SDK1: variants seen among roughly 807,000 people sequenced by gnomAD.
The protein encoded by SDK1 is protein sidekick-1.
Under a neutral mutation model 245.5 loss-of-function variants are expected in SDK1, and 157 were observed. The observed-to-expected ratio is 0.64, with a 90% CI of 0.56 to 0.73. The LOEUF (loss-of-function observed/expected upper bound fraction) is 0.73. Ranked by LOEUF, SDK1 falls within the 30% of genes least tolerant of loss-of-function variation. SDK1 has a pLI of 0.00. For synonymous variants in SDK1, 1,647 were observed against 1,278.5 expected, an observed-to-expected ratio of 1.29 and a Z score of -6.15; for missense variants, 3,583 against 3,002.3, an observed-to-expected ratio of 1.19 and a Z score of -4.52.
intron 1 of SDK1, among the ~76,000 whole-genome samples, chr7:3,499,776 T>G (rs1343014999): frequency 1.3e-5 from 2 of 152,144 alleles, no homozygotes; most frequent in Non-Finnish European, 2.9e-5. Context: ...CTGTGGAAGT[T>G]AGTGGCCAAG....
intron 1 of SDK1, among the ~76,000 whole-genome samples, chr7:3,577,862 C>T (rs965082812): frequency 6.6e-6 from 1 of 152,008 alleles, no homozygotes; most frequent in Admixed American, 6.5e-5. Context: ...CTGGCAGCTC[C>T]TGTCATGTCC....
At chr7:3,816,705 G>A (rs1339040907) in intron 4 of SDK1, among the ~76,000 whole-genome samples, 1 of 152,174 alleles carries the variant, frequency 6.6e-6, no homozygotes, top group Non-Finnish European at 1.5e-5. Context: ...TCTTGTCGTT[G>A]TACAGCTAAG....
intron 38 of SDK1, among the ~76,000 whole-genome samples, chr7:4,216,809 G>A (rs1002760440): frequency 6.6e-6 from 1 of 152,192 alleles, no homozygotes; most frequent in Non-Finnish European, 1.5e-5. Flanking sequence ...AGAGGGTACA[G>A]CATTTACCCG....
chr7:3,587,900 C>T (rs1780742828), intron 1 of SDK1, among the ~76,000 whole-genome samples: 1 of 152,222 alleles, frequency 6.6e-6, no homozygotes, highest in Admixed American at 6.5e-5. Context: ...GACACAATTG[C>T]CTTCCATGTA....
At chr7:3,792,132 T>A (rs41887) in intron 4 of SDK1, among the ~76,000 whole-genome samples, 11,960 of 151,832 alleles carry the variant, frequency 0.079, 1,436 homozygotes, top group African/African-American at 0.26. Flanking sequence ...CCTTCCTAAA[T>A]AACAAAACAA....
intron 1 of SDK1, among the ~76,000 whole-genome samples, chr7:3,441,401 C>T (rs1171125288): frequency 6.6e-6 from 1 of 150,534 alleles, no homozygotes; most frequent in African/African-American, 2.4e-5. Context: ...AAAAAACAAA[C>T]AAAAAAAAAC....
At chr7:4,127,212 A>G (rs1176202404) in intron 25 of SDK1, among the ~76,000 whole-genome samples, 169 bp from the exon 26 acceptor site, 1 of 152,238 alleles carries the variant, frequency 6.6e-6, no homozygotes, top group Non-Finnish European at 1.5e-5. Flanking sequence ...GCTAATATTA[A>G]AGAGATTTAC....
chr7:3,762,997 G>A (rs1019209957), intron 4 of SDK1, among the ~76,000 whole-genome samples: 5 of 152,056 alleles, frequency 3.3e-5, no homozygotes, highest in East Asian at 3.9e-4. Flanking sequence ...TGCTTGGCAC[G>A]TGATAGGAAT....
intron 22 of SDK1, among the ~76,000 whole-genome samples, chr7:4,109,498 C>T (rs1783190523): frequency 6.6e-6 from 1 of 152,236 alleles, no homozygotes; most frequent in African/African-American, 2.4e-5. Flanking sequence ...ATGCACCAGG[C>T]CCCAGGCCAA....
intron 4 of SDK1, among the ~76,000 whole-genome samples, chr7:3,800,765 A>G (rs927624764): frequency 6.6e-6 from 1 of 152,050 alleles, no homozygotes; most frequent in Non-Finnish European, 1.5e-5. Flanking sequence ...CTAAATATAC[A>G]CACACCCAAT....
At chr7:3,915,830 A>G (rs796205040) in intron 5 of SDK1, among the ~76,000 whole-genome samples, 1 of 152,196 alleles carries the variant, frequency 6.6e-6, no homozygotes, top group African/African-American at 2.4e-5. Context: ...CACTGTATCC[A>G]AAACCTGGCC....
intron 1 of SDK1, among the ~76,000 whole-genome samples, chr7:3,471,047 C>T (rs187638869): frequency 5.6e-4 from 86 of 152,298 alleles, no homozygotes; most frequent in African/African-American, 1.5e-3. Flanking sequence ...CCATCAGCAT[C>T]TGGCAATTAT....
rs1788459460 is a variant in SDK1, at chr7:4,266,186, G to A, written c.*802G>A. 3 of 985,388 alleles carry A rather than the reference G, an allele frequency of 3.0e-6. No individual in the cohort carries two copies. The highest frequency in any genetic ancestry group is 1.7e-5 in the African/African-American group (1 of 57,256). The allele number at this position is 985,388 out of a possible 1,614,324, so 61.0% of individuals were successfully genotyped here. On this transcript the variant is annotated 3_prime_UTR_variant, in exon 45 of 45. Transcript: ENST00000404826. ...GCACACGGTCAACTCCGCGGGACAC[G>A]AGGACACGGGACGGCGTCTCCAGAA...
chr7:3,577,431 G>A (rs561629038), intron 1 of SDK1, among the ~76,000 whole-genome samples: 6 of 152,094 alleles, frequency 3.9e-5, no homozygotes, highest in East Asian at 3.9e-4. Context: ...TCACTGAGAC[G>A]TGCTCCCTTT....
chr7:3,487,754 CAAA>C (rs764105126), intron 1 of SDK1, among the ~76,000 whole-genome samples: 7 of 64,956 alleles, frequency 1.1e-4, no homozygotes, highest in Admixed American at 6.7e-4. Flanking sequence ...GACCCCATCT[CAAA>C]AAAAAAAAAA....
intron 30 of SDK1, among the ~76,000 whole-genome samples, chr7:4,149,671 C>T (rs1360344944): frequency 6.6e-6 from 1 of 152,172 alleles, no homozygotes. Flanking sequence ...CCAGCCGCTT[C>T]CCGGAGTCTG....
intron 12 of SDK1, among the ~76,000 whole-genome samples, chr7:3,972,267 G>T (rs966491675): frequency 2.0e-5 from 3 of 151,996 alleles, no homozygotes; most frequent in Non-Finnish European, 4.4e-5. Flanking sequence ...TTTTAGTAGA[G>T]ACGGCGTTTC....
intron 44 of SDK1, among the ~76,000 whole-genome samples, chr7:4,247,413 G>A (rs564918389): frequency 2.0e-5 from 3 of 152,342 alleles, no homozygotes; most frequent in South Asian, 2.1e-4. Context: ...AGGGACATTT[G>A]TCTAAAACTC....
chr7:3,578,620 AC>A (rs920854520), intron 1 of SDK1, among the ~76,000 whole-genome samples: 2 of 151,308 alleles, frequency 1.3e-5, no homozygotes, highest in African/African-American at 2.4e-5. Flanking sequence ...TTTATAGACC[AC>A]CCCCCAGGAA....
Sources: gnomAD v4.1 joint callset for allele counts (sites outside exome capture counted in the v4.1 genomes callset) on GRCh38, gnomAD v4.1.1 for gene constraint, MANE v1.5 for transcripts, NCBI Gene and HGNC (gene_info 2026-07-23, HGNC 2026-07-21) for gene names.